The following PDZD8 variants were observed in gnomAD, a reference collection of about 807,000 sequenced individuals.
PDZD8 encodes PDZ domain-containing protein 8.
In PDZD8, 14 loss-of-function variants were observed where a neutral mutation model predicts 85.8. The observed-to-expected ratio is 0.16, with a 90% CI of 0.11 to 0.26. PDZD8 has a LOEUF of 0.26. Among genes scored for constraint, PDZD8 ranks in the 10% least tolerant of loss-of-function variants. PDZD8 has a pLI of 1.00. For synonymous variants in PDZD8, 592 were observed against 568.6 expected (o/e 1.04, Z -0.59); for missense variants, 1,197 against 1,424.3 (o/e 0.84, Z 2.57).
chr10:117,340,239 T>TA (rs957973658), intron 2 of PDZD8, among the ~76,000 whole-genome samples: 28 of 152,328 alleles, frequency 1.8e-4, no homozygotes, highest in African/African-American at 6.5e-4. Flanking sequence ...ACCGTTTTGA[T>TA]AGGTGACAAA....
At position 117,278,302 on chromosome 10, in the gene PDZD8, G is replaced by C. The variant is rs1197357963; in HGVS notation, c.*4966C>G. 1 of 152,094 alleles carries C rather than the reference G, an allele frequency of 6.6e-6. No individual in the cohort carries two copies. 9.4% of individuals were successfully genotyped at this position (152,094 alleles called of 1,614,324 possible). ...TGAAAGTTGTTCACATCAATGTGAA[G>C]ACAAATTTTAAATGAAAATGAAGAA... On this transcript the variant is annotated 3_prime_UTR_variant, in exon 5 of 5. Coordinates refer to ENST00000334464, the MANE Select transcript of PDZD8 (RefSeq NM_173791.5).
chr10:117,319,250 A>T (rs567532384), intron 2 of PDZD8, among the ~76,000 whole-genome samples: 1 of 152,272 alleles, frequency 6.6e-6, no homozygotes, highest in Non-Finnish European at 1.5e-5. Flanking sequence ...AATTGACCAA[A>T]TATGTACATG....
At chr10:117,371,977 A>T (rs1845201707) in intron 1 of PDZD8, among the ~76,000 whole-genome samples, 1 of 152,178 alleles carries the variant, frequency 6.6e-6, no homozygotes, top group Non-Finnish European at 1.5e-5. Context: ...AAAATTACTA[A>T]GTATAGCTAA....
At chr10:117,324,257 C>T in intron 2 of PDZD8, among the ~76,000 whole-genome samples, 1 of 145,012 alleles carries the variant, frequency 6.9e-6, no homozygotes, top group East Asian at 2.0e-4. Flanking sequence ...CAGGACTGAG[C>T]TAAACTAGTA....
intron 1 of PDZD8, among the ~76,000 whole-genome samples, chr10:117,360,405 A>T (rs1456279646): frequency 5.3e-5 from 8 of 152,160 alleles, no homozygotes; most frequent in African/African-American, 1.9e-4. Context: ...CATAGCTAAA[A>T]AAATGGGCAA....
intron 3 of PDZD8, among the ~76,000 whole-genome samples, chr10:117,315,635 A>T (rs1306486266): frequency 6.7e-6 from 1 of 149,022 alleles, no homozygotes; most frequent in Non-Finnish European, 1.5e-5. Context: ...TTGTGTCTGG[A>T]ACTAGGGGTA....
chr10:117,353,708 G>A, intron 1 of PDZD8, among the ~76,000 whole-genome samples: 1 of 145,862 alleles, frequency 6.9e-6, no homozygotes, highest in Admixed American at 7.0e-5. Context: ...AGATGAACAA[G>A]AGTGGCCCTA....
chr10:117,357,766 C>CAAAAAAAAAAAAAAAAAA (rs767138640), intron 1 of PDZD8, among the ~76,000 whole-genome samples: 1 of 47,470 alleles, frequency 2.1e-5, no homozygotes, highest in African/African-American at 9.2e-5. Context: ...ACTTCATCTC[C>CAAAAAAAAAAAAAAAAAA]AAAAAAAAAA....
intron 3 of PDZD8, among the ~76,000 whole-genome samples, chr10:117,311,204 G>C (rs1238674699): frequency 6.6e-6 from 1 of 152,012 alleles, no homozygotes; most frequent in Non-Finnish European, 1.5e-5. Context: ...CACCACATCT[G>C]TAAACTAAAA....
intron 3 of PDZD8, among the ~76,000 whole-genome samples, chr10:117,309,393 T>C (rs1421013434): frequency 8.3e-5 from 4 of 48,000 alleles, no homozygotes; most frequent in African/African-American, 1.7e-4. Context: ...GCAGTAAAAA[T>C]TAAAAAAAAA....
intron 2 of PDZD8, among the ~76,000 whole-genome samples, chr10:117,326,920 A>G (rs759432355): frequency 2.0e-5 from 3 of 152,186 alleles, no homozygotes; most frequent in Admixed American, 6.5e-5. Context: ...GTAGACTTCT[A>G]ATATAGCTCA....
intron 2 of PDZD8, among the ~76,000 whole-genome samples, chr10:117,333,131 A>C (rs1350599155): frequency 6.7e-6 from 1 of 149,176 alleles, no homozygotes; most frequent in Non-Finnish European, 1.5e-5. Context: ...AAAAAAAAAA[A>C]AAAAAAAAAA....
In PDZD8 at chr10:117,284,859, G is replaced by A. The variant is rs1426797937; in HGVS notation, c.1874C>T (p.Pro625Leu). ...TTCAGCAGATTTATCTACAAGAGGA[G>A]GTGGCACCACCTTCTCTGGCTTTTC... ...LVEKPEKVVP[P>L]PLVDKSAEKQ... Residue 625 changes from proline (P) to leucine (L), a missense_variant, in exon 5 of 5, where the codon CCT becomes CTT. Pro to Leu is a moderately conservative substitution (Grantham distance 98). Transcript: ENST00000334464. 4.3e-6 allele frequency: 7 copies of A among 1,614,158 alleles called. No individual in the cohort carries two copies. The highest frequency in any genetic ancestry group is 5.9e-6 in the Non-Finnish European group (7 of 1,180,032).
At chr10:117,368,851 G>GTTTTTTTTTTTTTT (rs3034161) in intron 1 of PDZD8, among the ~76,000 whole-genome samples, 1 of 99,070 alleles carries the variant, frequency 1.0e-5, no homozygotes, top group Non-Finnish European at 2.1e-5. Context: ...TATTGACAAT[G>GTTTTTTTTTTTTTT]TTTTTTTTTT....
At chr10:117,348,100 CATATGAATT>C (rs1844740351) in intron 1 of PDZD8, among the ~76,000 whole-genome samples, 1 of 152,114 alleles carries the variant, frequency 6.6e-6, no homozygotes. Flanking sequence ...AACTGTATAG[CATATGAATT>C]ATATTTCAAT....
chr10:117,353,884 T>C (rs962778389), intron 1 of PDZD8, among the ~76,000 whole-genome samples: 3 of 152,214 alleles, frequency 2.0e-5, no homozygotes, highest in Non-Finnish European at 2.9e-5. Flanking sequence ...TCTTCCTGTT[T>C]CCTTTCTCTA....
intron 4 of PDZD8, among the ~76,000 whole-genome samples, chr10:117,288,866 C>T (rs762996240): frequency 6.6e-5 from 10 of 152,140 alleles, no homozygotes; most frequent in Non-Finnish European, 1.3e-4. Context: ...CTTTTTCACT[C>T]TGTATACATT....
Position 117,284,341 on chromosome 10 carries a change from C to G in PDZD8, c.2392G>C (p.Glu798Gln). ...DITIHFKYLK[E>Q]GESDHHVVTN... ...ACTACATGGTGGTCTGATTCTCCTTCTTTCAAATATTTGAAGTGAATAGTA... is the reference window on the plus strand; with the variant it reads ...ACTACATGGTGGTCTGATTCTCCTTGTTTCAAATATTTGAAGTGAATAGTA... The change falls in exon 5 of 5, where the codon GAA (glutamate) becomes CAA (glutamine). Residue 798 changes from glutamate to glutamine, a missense_variant. By Grantham distance (29) the Glu-to-Gln change is conservative. Transcript: ENST00000334464. The G allele has an allele frequency of 1.2e-6, 2 of 1,614,142 alleles. No homozygotes were observed. The highest frequency in any genetic ancestry group is 1.7e-6 in the Non-Finnish European group (2 of 1,180,006).
At chr10:117,324,529 T>C (rs2794435) in intron 2 of PDZD8, among the ~76,000 whole-genome samples, 116,150 of 152,094 alleles carry the variant, frequency 0.76, 45,110 homozygotes, top group Non-Finnish European at 0.85. Flanking sequence ...GGTTCTTCCC[T>C]AAAAGCATGT....
Sources: allele counts gnomAD v4.1 joint callset (sites outside exome capture counted in the v4.1 genomes callset), GRCh38; gene constraint gnomAD v4.1.1; transcripts MANE v1.5; gene names NCBI Gene and HGNC (gene_info 2026-07-23, HGNC 2026-07-21).